The following DNAJC5B variants were observed in gnomAD, a reference collection of about 807,000 sequenced individuals.
DNAJC5B encodes the protein dnaJ homolog subfamily C member 5B.
In DNAJC5B, 23 loss-of-function variants were observed where a neutral mutation model predicts 24.7. That is an observed-to-expected ratio of 0.93 (90% CI 0.67 to 1.32). The LOEUF is 1.32. Ranked by LOEUF, DNAJC5B falls within the 40% of genes most tolerant of loss-of-function variation. DNAJC5B has a pLI of 0.00. For synonymous variants in DNAJC5B, 101 were observed against 90.1 expected (o/e 1.12, Z -0.68); for missense variants, 238 against 240.8 (o/e 0.99, Z 0.08).
intron 2 of DNAJC5B, among the ~76,000 whole-genome samples, chr8:66,046,325 C>T (rs1034379451): frequency 1.3e-5 from 2 of 152,170 alleles, no homozygotes; most frequent in African/African-American, 4.8e-5. Flanking sequence ...CCACCATAGC[C>T]CTTAGATCCC....
chr8:66,088,241 G>C (rs1289229159), intron 5 of DNAJC5B, among the ~76,000 whole-genome samples: 1 of 152,186 alleles, frequency 6.6e-6, no homozygotes, highest in African/African-American at 2.4e-5. Flanking sequence ...GCCCCTTCCA[G>C]CCTCATCTGG....
chr8:66,045,347 C>T (rs1215433412), intron 2 of DNAJC5B, among the ~76,000 whole-genome samples: 1 of 152,148 alleles, frequency 6.6e-6, no homozygotes, highest in Non-Finnish European at 1.5e-5. Flanking sequence ...ATGAAACAGA[C>T]AATAAACACT....
intron 5 of DNAJC5B, among the ~76,000 whole-genome samples, chr8:66,082,552 G>C (rs1807619304): frequency 6.6e-6 from 1 of 152,058 alleles, no homozygotes; most frequent in Non-Finnish European, 1.5e-5. Flanking sequence ...ACTGTTCTCA[G>C]CTCTGACACC....
chr8:66,042,016 T>C (rs2128958008), intron 1 of DNAJC5B, among the ~76,000 whole-genome samples: 1 of 152,330 alleles, frequency 6.6e-6, no homozygotes, highest in East Asian at 1.9e-4. Context: ...CCAGTTGTTT[T>C]TGTTCAGGGA....
intron 3 of DNAJC5B, among the ~76,000 whole-genome samples, chr8:66,059,496 A>C (rs1183432072): frequency 6.6e-6 from 1 of 152,198 alleles, no homozygotes; most frequent in Non-Finnish European, 1.5e-5. Context: ...AGGAGGAGGG[A>C]GAGTCACTAG....
intron 3 of DNAJC5B, among the ~76,000 whole-genome samples, chr8:66,056,028 C>T (rs1806955243): frequency 6.6e-6 from 1 of 152,120 alleles, no homozygotes; most frequent in Non-Finnish European, 1.5e-5. Context: ...CCCTGCTAAG[C>T]ACAACTAAAA....
At chr8:66,030,885 C>T (rs949107822) in intron 1 of DNAJC5B, among the ~76,000 whole-genome samples, 1 of 152,206 alleles carries the variant, frequency 6.6e-6, no homozygotes, top group Non-Finnish European at 1.5e-5. Context: ...GATCTGCCTA[C>T]CTCGTCCTCC....
At chr8:66,032,471 A>T (rs2357662) in intron 1 of DNAJC5B, among the ~76,000 whole-genome samples, 35,298 of 152,134 alleles carry the variant, frequency 0.23, 6,225 homozygotes, top group African/African-American at 0.49. Flanking sequence ...TATTCACAAC[A>T]TTTCTGTTCT....
rs559432214 is a variant in DNAJC5B, at chr8:66,040,261, G to A, written c.-141-3227G>A. ...AAAAATTAGCCAGGAGTGGTGACAC[G>A]TGCCTGTAGTCCCAGCTACTTGGGA... On this transcript the variant is annotated intron_variant, in intron 1 of 5. Transcript: ENST00000276570. Among the ~76,000 whole-genome samples the A allele has an allele frequency of 7.2e-5, 11 of 152,172 alleles. No individual in the cohort carries two copies. The South Asian group carries it at 1.0e-3, about 14-fold the overall frequency.
chr8:66,098,763 A>T (rs951837987), intron 5 of DNAJC5B, among the ~76,000 whole-genome samples: 5 of 152,036 alleles, frequency 3.3e-5, no homozygotes, highest in African/African-American at 1.2e-4. Flanking sequence ...AAGCCAATTC[A>T]TGAAGGTTTT....
intron 3 of DNAJC5B, among the ~76,000 whole-genome samples, chr8:66,073,081 G>GA (rs1028399395): frequency 6.6e-6 from 1 of 151,904 alleles, no homozygotes; most frequent in Non-Finnish European, 1.5e-5. Context: ...GATTCGAAGG[G>GA]AAAAAATCCA....
At chr8:66,015,274 A>G in the DNAJC5B span, among the ~76,000 whole-genome samples, 2 of 152,014 alleles carry the variant, frequency 1.3e-5, no homozygotes, top group African/African-American at 4.8e-5. Context: ...GTCCTGGGAG[A>G]GTTTGGTAGT....
At chr8:66,046,446 T>C (rs943975151) in intron 2 of DNAJC5B, among the ~76,000 whole-genome samples, 6 of 152,148 alleles carry the variant, frequency 3.9e-5, no homozygotes, top group Non-Finnish European at 2.9e-5. Flanking sequence ...CTATTCAGAG[T>C]TCTTGTGAGG....
At chr8:66,099,057 C>T (rs2128967690) in intron 5 of DNAJC5B, among the ~76,000 whole-genome samples, 1 of 151,870 alleles carries the variant, frequency 6.6e-6, no homozygotes, top group Non-Finnish European at 1.5e-5. Context: ...CACACACACA[C>T]ACACACAACT....
chr8:66,090,497 A>G (rs1004983946), intron 5 of DNAJC5B, among the ~76,000 whole-genome samples: 4 of 151,954 alleles, frequency 2.6e-5, no homozygotes, highest in African/African-American at 9.7e-5. Context: ...GATTTCCCCA[A>G]TTTTTTTTAA....
intron 1 of DNAJC5B, among the ~76,000 whole-genome samples, chr8:66,039,191 G>A (rs921153098): frequency 2.0e-5 from 3 of 152,112 alleles, no homozygotes; most frequent in Non-Finnish European, 4.4e-5. Flanking sequence ...GCAAAGCTCC[G>A]TAATGGGTGA....
chr8:66,042,556 G>T (rs942652579), intron 1 of DNAJC5B, among the ~76,000 whole-genome samples: 1 of 151,998 alleles, frequency 6.6e-6, no homozygotes, highest in Non-Finnish European at 1.5e-5. Flanking sequence ...TGGAACTTGG[G>T]TATTTCATTC....
intron 1 of DNAJC5B, among the ~76,000 whole-genome samples, chr8:66,033,302 A>G (rs1176018837): frequency 6.6e-6 from 1 of 152,214 alleles, no homozygotes. Flanking sequence ...AGGAACTGGG[A>G]TAGGGAAATA....
intron 2 of DNAJC5B, among the ~76,000 whole-genome samples, chr8:66,047,639 A>T (rs1245710166): frequency 6.6e-6 from 1 of 152,168 alleles, no homozygotes; most frequent in Non-Finnish European, 1.5e-5. Flanking sequence ...GGGCTCAGTA[A>T]AGCCTAATTC....
Sources: gnomAD v4.1 joint callset for allele counts (sites outside exome capture counted in the v4.1 genomes callset) on GRCh38, gnomAD v4.1.1 for gene constraint, MANE v1.5 for transcripts, NCBI Gene and HGNC (gene_info 2026-07-23, HGNC 2026-07-21) for gene names.